Variants in TRHDE observed in about 807,000 individuals in gnomAD.
The protein encoded by TRHDE is thyrotropin releasing hormone degrading enzyme, also known as thyrotropin-releasing hormone-degrading ectoenzyme.
In TRHDE, 72 loss-of-function variants were observed where a neutral mutation model predicts 125.7. The observed-to-expected ratio is 0.57, with a 90% CI of 0.47 to 0.70. TRHDE has a LOEUF of 0.70. Ranked by LOEUF, TRHDE falls within the 30% of genes least tolerant of loss-of-function variation. The pLI is 0.00. For missense variants in TRHDE, 1,110 were observed against 1,327.1 expected, an observed-to-expected ratio of 0.84 and a Z score of 2.54; for synonymous variants, 509 against 509.1, an observed-to-expected ratio of 1.00 and a Z score of 0.00.
chr12:72,111,269 G>A (rs1875309018), intron 2 of TRHDE, among the ~76,000 whole-genome samples: 1 of 152,156 alleles, frequency 6.6e-6, no homozygotes, highest in African/African-American at 2.4e-5. Flanking sequence ...GATGATGTAT[G>A]TTAGATACAT....
intron 7 of TRHDE, among the ~76,000 whole-genome samples, chr12:72,544,016 T>C (rs55937535): frequency 0.038 from 5,679 of 151,388 alleles, 151 homozygotes; most frequent in Non-Finnish European, 0.057. Flanking sequence ...TATGCTCTGA[T>C]ACTTGATATG....
chr12:72,216,888 T>A (rs1211067165), intron 2 of TRHDE, among the ~76,000 whole-genome samples: 1 of 152,108 alleles, frequency 6.6e-6, no homozygotes, highest in East Asian at 1.9e-4. Context: ...TTAATGGTAT[T>A]GGTCATGAAA....
chr12:72,097,387 G>C (rs1874951472), intron 1 of TRHDE, among the ~76,000 whole-genome samples: 1 of 148,924 alleles, frequency 6.7e-6, no homozygotes, highest in Non-Finnish European at 1.5e-5. Flanking sequence ...CTAGAATGGA[G>C]GTTATAGATA....
intron 9 of TRHDE, among the ~76,000 whole-genome samples, chr12:72,565,075 T>C (rs1870377418): frequency 6.6e-6 from 1 of 152,204 alleles, no homozygotes; most frequent in African/African-American, 2.4e-5. Flanking sequence ...ATAGAGCTTG[T>C]AGCTGAAAAT....
intron 12 of TRHDE, among the ~76,000 whole-genome samples, chr12:72,586,826 G>T (rs12813270): frequency 1.3e-5 from 2 of 150,706 alleles, no homozygotes; most frequent in Non-Finnish European, 2.9e-5. Flanking sequence ...CAATAAGGAA[G>T]AAAATATTGT....
intron 2 of TRHDE, among the ~76,000 whole-genome samples, chr12:72,321,106 T>G (rs1869069274): frequency 1.3e-5 from 2 of 152,166 alleles, no homozygotes; most frequent in African/African-American, 4.8e-5. Flanking sequence ...AATAAACTTG[T>G]GATTCTCAGC....
chr12:72,652,002 T>G (rs1019591207), intron 15 of TRHDE, among the ~76,000 whole-genome samples: 5 of 152,032 alleles, frequency 3.3e-5, no homozygotes, highest in Non-Finnish European at 1.5e-5. Flanking sequence ...ATAGCCATAT[T>G]AAAGTTGGTG....
intron 6 of TRHDE, among the ~76,000 whole-genome samples, chr12:72,515,387 A>G (rs1188956724): frequency 3.4e-5 from 5 of 149,174 alleles, no homozygotes; most frequent in African/African-American, 1.0e-4. Flanking sequence ...TCTGATGGCC[A>G]GTGATGGTGA....
chr12:72,317,645 T>C (rs1415302201), intron 2 of TRHDE, among the ~76,000 whole-genome samples: 1 of 152,086 alleles, frequency 6.6e-6, no homozygotes, highest in Non-Finnish European at 1.5e-5. Context: ...TAATATTGCA[T>C]TGGAGATATA....
At chr12:72,133,698 G>A (rs543419861) in intron 2 of TRHDE, among the ~76,000 whole-genome samples, 1 of 152,318 alleles carries the variant, frequency 6.6e-6, no homozygotes, top group South Asian at 2.1e-4. Context: ...GCCAAAGGCT[G>A]CCCATCTCCT....
intron 6 of TRHDE, among the ~76,000 whole-genome samples, chr12:72,537,560 C>G (rs1868928023): frequency 6.6e-6 from 1 of 152,074 alleles, no homozygotes; most frequent in Non-Finnish European, 1.5e-5. Flanking sequence ...AACTAAACCT[C>G]TTTCCTTTAT....
intron 3 of TRHDE, among the ~76,000 whole-genome samples, chr12:72,419,692 T>C (rs914438330): frequency 6.6e-6 from 1 of 152,172 alleles, no homozygotes; most frequent in African/African-American, 2.4e-5. Context: ...AGGGATTACA[T>C]TTGGTGGGGA....
intron 3 of TRHDE, among the ~76,000 whole-genome samples, chr12:72,417,090 T>G (rs1378573952): frequency 6.6e-6 from 1 of 152,102 alleles, no homozygotes; most frequent in African/African-American, 2.4e-5. Context: ...TTTCTTTGGT[T>G]AAGTTAATTC....
chr12:72,627,392 C>A (rs1362410441), intron 15 of TRHDE, among the ~76,000 whole-genome samples: 1 of 151,818 alleles, frequency 6.6e-6, no homozygotes, highest in Non-Finnish European at 1.5e-5. Context: ...GTAGTTATAG[C>A]TATTCAGTTC....
At chr12:72,248,071 G>A (rs1447645969) in intron 2 of TRHDE, among the ~76,000 whole-genome samples, 3 of 152,096 alleles carry the variant, frequency 2.0e-5, no homozygotes, top group Admixed American at 2.0e-4. Context: ...GTGTATATGT[G>A]TGTACATATG....
chr12:72,443,192 CTGTGTGTGTGTGTGTGTG>C (rs58277850), intron 3 of TRHDE, among the ~76,000 whole-genome samples: 2 of 144,416 alleles, frequency 1.4e-5, no homozygotes, highest in Non-Finnish European at 3.1e-5. Flanking sequence ...TACTTCTTTC[CTGTGTGTGTGTGTGTGTG>C]TGTGTGTGTG....
In TRHDE at chr12:72,473,170, G is replaced by A; in HGVS notation, c.1574G>A (p.Gly525Asp). 1 of 1,613,210 alleles carries A rather than the reference G, an allele frequency of 6.2e-7. No individual in the cohort carries two copies. Residue 525 changes from glycine (G) to aspartate (D), a missense_variant, in exon 5 of 19, where the codon GGC becomes GAC. By Grantham distance (94) the Gly-to-Asp change is moderately conservative. Transcript: ENST00000261180. ...EFVGTDYLYP[G>D]WNMEKQRFLT... Reference sequence around the variant, plus strand: ...GTTGGTACAGACTACCTCTATCCTGGCTGGAACATGGTAAGTGCACTTGAA... The same window carrying A: ...GTTGGTACAGACTACCTCTATCCTGACTGGAACATGGTAAGTGCACTTGAA...
At chr12:72,206,876 A>G (rs2139358732) in intron 2 of TRHDE, among the ~76,000 whole-genome samples, 1 of 152,058 alleles carries the variant, frequency 6.6e-6, no homozygotes, top group East Asian at 1.9e-4. Flanking sequence ...ATATAGGAGA[A>G]AGTATTTTGC....
At chr12:72,232,739 C>T (rs1878270633) in intron 2 of TRHDE, among the ~76,000 whole-genome samples, 1 of 151,986 alleles carries the variant, frequency 6.6e-6, no homozygotes, top group African/African-American at 2.4e-5. Flanking sequence ...CCAAACATAT[C>T]CCCATGGCTT....
Sources: gnomAD v4.1 joint callset for allele counts (sites outside exome capture counted in the v4.1 genomes callset) on GRCh38, gnomAD v4.1.1 for gene constraint, MANE v1.5 for transcripts, NCBI Gene and HGNC (gene_info 2026-07-23, HGNC 2026-07-21) for gene names.